The following EIF4A3 variants were observed in gnomAD, a reference collection of about 807,000 sequenced individuals.
EIF4A3 encodes eukaryotic translation initiation factor 4A3.
A neutral mutation model predicts 55.6 loss-of-function variants in EIF4A3; 1 was observed. That is an observed-to-expected ratio of 0.02 (90% confidence interval 0.01 to 0.09). The LOEUF is 0.09. EIF4A3 is among the 10% of genes least tolerant of loss of function. EIF4A3 has a pLI of 1.00. For synonymous variants in EIF4A3, 194 were observed against 196.3 expected (o/e 0.99, Z 0.10); for missense variants, 221 against 540.7 (o/e 0.41, Z 5.86).
rs1193970638 is a variant in EIF4A3, at chr17:80,147,015, C to A, written c.-54G>T. The A allele has an allele frequency of 1.4e-6, 2 of 1,430,080 alleles. No individual in the cohort carries two copies. Among genetic ancestry groups the A allele is most frequent in the Non-Finnish European group, 1.8e-6 (2 of 1,091,954 alleles). 88.6% of individuals were successfully genotyped at this position (1,430,080 alleles called of 1,614,324 possible). A position where few individuals can be genotyped will look rare whatever the true frequency, so the allele number is the denominator to read the frequency against. On this transcript the variant is annotated 5_prime_UTR_variant, in exon 1 of 12. Transcript: ENST00000649764. ...CGCGCCGCTGCCGACCTCGCTGCCG[C>A]TGCCGACCTCGCTGTGCCGCTGCCG...
intron 1 of EIF4A3, 109 bp from the exon 2 acceptor site, chr17:80,144,353 G>C (rs984613403): frequency 1.1e-6 from 1 of 950,698 alleles, no homozygotes; most frequent in African/African-American, 1.6e-5. Flanking sequence ...CTGTCCTCCA[G>C]CCTAACCCAG....
chr17:80,146,916 G>A lies in EIF4A3; in HGVS notation c.46C>T (p.Arg16Trp). 1 of 1,609,624 alleles carries A rather than the reference G, an allele frequency of 6.2e-7. No individual in the cohort carries two copies. The highest frequency in any genetic ancestry group is 1.3e-5 in the African/African-American group (1 of 74,218). The change falls in exon 1 of 12, where the codon CGG becomes TGG. Residue 16 changes from arginine (R) to tryptophan (W), a missense_variant. Around this residue, in one of 4 missense-constraint regions of EIF4A3, gnomAD observed 43 missense variants for 39.1 expected, o/e 1.10. Coordinates refer to ENST00000649764, the MANE Select transcript of EIF4A3 (RefSeq NM_014740.4). ...TMATSGSARK[R>W]LLKEEDMTKV... ...GTCATGTCTTCCTCTTTGAGCAGCC[G>A]CTTTCGCGCCGAGCCCGAGGTCGCC...
At chr17:80,140,852 A>G (rs2039611970) in intron 4 of EIF4A3, among the ~76,000 whole-genome samples, 1 of 152,020 alleles carries the variant, frequency 6.6e-6, no homozygotes, top group African/African-American at 2.4e-5. Flanking sequence ...ACTAGAGTAC[A>G]ACGGCACAAT....
intron 4 of EIF4A3, among the ~76,000 whole-genome samples, chr17:80,140,692 T>C (rs1567849743): frequency 6.6e-6 from 1 of 152,212 alleles, no homozygotes; most frequent in African/African-American, 2.4e-5. Context: ...CAGAAAAGAA[T>C]ATATAAAATT....
rs2039552713 is a variant in EIF4A3, at chr17:80,134,377, G to A, written c.*1113C>T. Among the ~76,000 whole-genome samples, 1 of 152,106 alleles carries A rather than the reference G, an allele frequency of 6.6e-6. No individual in the cohort carries two copies. Among genetic ancestry groups the A allele is most frequent in the Non-Finnish European group, 1.5e-5 (1 of 68,030 alleles). ...GGTAATTACTTTAAATATTTCAACAGATAACTTAAATACTTTAATAATTTA... is the reference window on the plus strand; with the variant it reads ...GGTAATTACTTTAAATATTTCAACAAATAACTTAAATACTTTAATAATTTA... On this transcript the variant is annotated 3_prime_UTR_variant, in exon 12 of 12. Coordinates refer to ENST00000649764, the MANE Select transcript of EIF4A3 (RefSeq NM_014740.4).
intron 1 of EIF4A3, among the ~76,000 whole-genome samples, 163 bp from the exon 2 acceptor site, chr17:80,144,407 T>C (rs2039641983): frequency 6.6e-6 from 1 of 151,878 alleles, no homozygotes; most frequent in African/African-American, 2.4e-5. Flanking sequence ...CTCAATGAAT[T>C]GGGCTGAGTG....
intron 1 of EIF4A3, among the ~76,000 whole-genome samples, chr17:80,145,267 A>G (rs2039649987): frequency 6.6e-6 from 1 of 152,160 alleles, no homozygotes; most frequent in East Asian, 1.9e-4. Context: ...TTGTGGCATC[A>G]AGAACTACAG....
Position 80,134,693 on chromosome 17 carries a change from A to G in EIF4A3, c.*797T>C, listed in dbSNP as rs972905729. ...TTAAATATTAGCCAGATGTGCTGGC[A>G]TGCACCTGTAGTCCCAGCTACTCAG... On this transcript the variant is annotated 3_prime_UTR_variant, in exon 12 of 12. Transcript: ENST00000649764. Among the ~76,000 whole-genome samples the G allele has an allele frequency of 3.9e-5, 6 of 152,162 alleles. No homozygotes were observed. The highest frequency in any genetic ancestry group is 1.2e-4 in the African/African-American group (5 of 41,444).
intron 1 of EIF4A3, among the ~76,000 whole-genome samples, chr17:80,146,322 T>C (rs2039662243): frequency 6.6e-6 from 1 of 152,080 alleles, no homozygotes; most frequent in African/African-American, 2.4e-5. Context: ...TCTGCTTTAC[T>C]AATTCTCTCC....
Position 80,144,259 on chromosome 17 carries a change from A to C in EIF4A3, c.170-15T>G. On this transcript the variant is annotated splice_polypyrimidine_tract_variant and intron_variant, in intron 1 of 11. Coordinates refer to ENST00000649764, the MANE Select transcript of EIF4A3 (RefSeq NM_014740.4). Reference sequence around the variant, plus strand: ...TTTTTCAAAACCTGCAAATAAAAACAAAAAATTAGCCCTCACCACAATGAC... The same window carrying C: ...TTTTTCAAAACCTGCAAATAAAAACCAAAAATTAGCCCTCACCACAATGAC... 7 of 1,613,510 alleles carry C rather than the reference A, an allele frequency of 4.3e-6. No individual in the cohort carries two copies. The highest frequency in any genetic ancestry group is 5.9e-6 in the Non-Finnish European group (7 of 1,179,592).
In EIF4A3 at chr17:80,144,153, G is replaced by A. The variant is rs751630422; in HGVS notation, c.242+19C>T. 2.2e-5 allele frequency: 35 copies of A among 1,613,228 alleles called. 1 individual carries two copies. In the Admixed American group the frequency reaches 3.5e-4, roughly 16 times the overall value. ...CCAAATTTACATCCAGCCCTGCGCC[G>A]CACCCCAGGACAACTTACTGTGCGA... On this transcript the variant is annotated intron_variant, in intron 2 of 11. Coordinates refer to ENST00000649764, the MANE Select transcript of EIF4A3 (RefSeq NM_014740.4).
rs547093183 is a variant in EIF4A3 at position 80,139,250 on chromosome 17, G to C, written c.587-88C>G. On this transcript the variant is annotated intron_variant, in intron 6 of 11. Transcript: ENST00000649764. ...CACGCCCAGTGTTCCCACTGGGTTA[G>C]AGGCAGAGTGGTGATAAGGTACGTT... 3.3e-4 allele frequency: 502 copies of C among 1,537,308 alleles called. 2 individuals carry two copies. The South Asian group carries it at 5.4e-3, about 16-fold the overall frequency.
chr17:80,145,908 C>T (rs903742520), intron 1 of EIF4A3, among the ~76,000 whole-genome samples: 1 of 152,166 alleles, frequency 6.6e-6, no homozygotes, highest in Non-Finnish European at 1.5e-5. Context: ...GCACAATCCT[C>T]TCTTCCCTGA....
Position 80,147,106 on chromosome 17 carries a change from T to TGTGCCGCTGCCGACCTCGCC in EIF4A3, c.-146_-145insGGCGAGGTCGGCAGCGGCAC, listed in dbSNP as rs2039675925. On this transcript the variant is annotated 5_prime_UTR_variant, in exon 1 of 12. Transcript: ENST00000649764. ...CTCGCTGTGCCGCTGCCGACCTCGC[T>TGTGCCGCTGCCGACCTCGCC]GTGCCGCTGCCGACCTCGCTGTGCC... The TGTGCCGCTGCCGACCTCGCC allele has an allele frequency of 1.7e-6, 2 of 1,199,590 alleles. No individual in the cohort carries two copies. The highest frequency in any genetic ancestry group is 2.2e-6 in the Non-Finnish European group (2 of 918,410). The allele number at this position is 1,199,590 out of a possible 1,614,324, so 74.3% of individuals were successfully genotyped here.
intron 7 of EIF4A3, 48 bp from the exon 8 acceptor site, chr17:80,138,328 G>A (rs767895845): frequency 1.9e-6 from 3 of 1,604,872 alleles, no homozygotes; most frequent in South Asian, 1.1e-5. Flanking sequence ...TTCCTTCTAG[G>A]ACTTGAGGGT....
chr17:80,139,259 T>G, intron 6 of EIF4A3, 97 bp from the exon 7 acceptor site: 1 of 1,502,748 alleles, frequency 6.7e-7, no homozygotes, highest in Non-Finnish European at 9.0e-7. Context: ...AGAGGCAGAG[T>G]GGTGATAAGG....
rs774915280 is a variant in EIF4A3, at chr17:80,135,890, G to C, written c.1219+114C>G. On this transcript the variant is annotated intron_variant, in intron 11 of 11. Coordinates refer to ENST00000649764, the MANE Select transcript of EIF4A3 (RefSeq NM_014740.4). ...AGCCTGGGTGACAGAGCGAAACTTC[G>C]TCTCAAAAACAAAACAAAAAAACCC... 7.5e-5 allele frequency: 107 copies of C among 1,422,126 alleles called. No individual in the cohort carries two copies. In the Middle Eastern group the frequency reaches 1.0e-3, roughly 14 times the overall value. The allele number at this position is 1,422,126 out of a possible 1,614,324, so 88.1% of individuals were successfully genotyped here.
intron 4 of EIF4A3, 57 bp from the exon 5 acceptor site, chr17:80,140,197 CA>C: frequency 1.4e-6 from 2 of 1,446,252 alleles, no homozygotes. Flanking sequence ...CCACGTTTTC[CA>C]AAAAGAAAGA....
intron 8 of EIF4A3, 144 bp downstream of exon 8, chr17:80,137,997 CA>C (rs2143987022): frequency 9.2e-7 from 1 of 1,085,560 alleles, no homozygotes; most frequent in Non-Finnish European, 1.3e-6. Context: ...ATATTGTCTA[CA>C]GCTGCTTTTA....
Sources: gnomAD v4.1 joint callset for allele counts (sites outside exome capture counted in the v4.1 genomes callset) on GRCh38, gnomAD v4.1.1 for gene constraint, gnomAD v4.1.1 regional missense constraint, MANE v1.5 for transcripts, NCBI Gene and HGNC (gene_info 2026-07-23, HGNC 2026-07-21) for gene names.